The following OGA variants were observed in gnomAD, a reference collection of about 807,000 sequenced individuals.
The protein encoded by OGA is O-GlcNAcase, also known as protein O-GlcNAcase.
In OGA, 21 loss-of-function variants were observed where a neutral mutation model predicts 102.0. That is an observed-to-expected ratio of 0.21 (90% confidence interval 0.15 to 0.30). The LOEUF (loss-of-function observed/expected upper bound fraction) is 0.30. OGA is among the 10% of genes least tolerant of loss of function. The pLI is 1.00. For missense variants in OGA, 765 were observed against 1,107.8 expected (o/e 0.69, Z 4.39); for synonymous variants, 408 against 378.2 (o/e 1.08, Z -0.91).
intron 1 of OGA, among the ~76,000 whole-genome samples, chr10:101,816,962 G>A (rs757043698): frequency 1.3e-5 from 2 of 152,036 alleles, no homozygotes; most frequent in Non-Finnish European, 2.9e-5. Flanking sequence ...ACTCTGAATC[G>A]GCCAAAATAC....
intron 7 of OGA, 68 bp downstream of exon 7, chr10:101,803,667 A>G (rs1487878972): frequency 7.0e-7 from 1 of 1,424,558 alleles, no homozygotes; most frequent in Non-Finnish European, 9.7e-7. Context: ...AGGAATGCAT[A>G]CTTTCCACTG....
In OGA at chr10:101,817,813, AG is replaced by A; in HGVS notation, c.199+10del. 1 of 1,536,618 alleles carries A rather than the reference AG, an allele frequency of 6.5e-7. No individual in the cohort carries two copies. On this transcript the variant is annotated intron_variant, in intron 1 of 15. Transcript: ENST00000361464. ...TTAGTGCCAAAACGGGGAGGGAAGGAGGGCGCTCACCTTCCACCACACCGCA... is the reference window on the plus strand; with the variant it reads ...TTAGTGCCAAAACGGGGAGGGAAGGAGGCGCTCACCTTCCACCACACCGCA...
intron 10 of OGA, chr10:101,795,829 ACT>A (rs2065307967): frequency 1.2e-6 from 1 of 814,862 alleles, no homozygotes. Flanking sequence ...AAATAAAAAA[ACT>A]CACAATGTTT....
At chr10:101,806,944 G>C (rs922338162) in intron 5 of OGA, among the ~76,000 whole-genome samples, 1 of 151,832 alleles carries the variant, frequency 6.6e-6, no homozygotes, top group Non-Finnish European at 1.5e-5. Context: ...TTTATAGCCC[G>C]GTCTCTAAAT....
chr10:101,798,186 C>T (rs2065341496), intron 9 of OGA, 32 bp from the exon 10 acceptor site: 3 of 1,601,082 alleles, frequency 1.9e-6, no homozygotes, highest in Admixed American at 3.4e-5. Flanking sequence ...ACTCAAAAAA[C>T]TGTAAGCTTA....
rs1390358800 is a variant in OGA, at chr10:101,810,220, G to A, written c.444C>T (p.Pro148=). 1 of 1,612,696 alleles carries A rather than the reference G, an allele frequency of 6.2e-7. No individual in the cohort carries two copies. Reference sequence around the variant, plus strand: ...TACGTTTCAATGTGGATACTTCCTTGGGGTTAGAAAAAGTGATATCCAATC... The same window carrying A: ...TACGTTTCAATGTGGATACTTCCTTAGGGTTAGAAAAAGTGATATCCAATC... ...SPGLDITFSN[P]KEVSTLKRKL... The change falls in exon 4 of 16, where the codon CCC becomes CCT. Residue 148 remains proline, a synonymous_variant. Transcript: ENST00000361464.
chr10:101,813,554 C>T lies in OGA; in HGVS notation c.251+1G>A. 1 of 1,532,896 alleles carries T rather than the reference C, an allele frequency of 6.5e-7. No individual in the cohort carries two copies. Among genetic ancestry groups the T allele is most frequent in the Non-Finnish European group, 8.9e-7 (1 of 1,118,128 alleles). The allele number at this position is 1,532,896 out of a possible 1,614,324, so 95.0% of individuals were successfully genotyped here. On this transcript the variant is annotated splice_donor_variant, in intron 2 of 15. Coordinates refer to ENST00000361464, the MANE Select transcript of OGA (RefSeq NM_012215.5). LOFTEE classifies it high-confidence loss of function. ...CTCTCCTTCATATAATGAAGATTTA[C>T]CTTCTAAAGAGTTCTTTTCTCTGTT...
rs2065203831 is a variant in OGA, at chr10:101,787,481, C to T, written c.2497G>A (p.Glu833Lys). 1.2e-6 allele frequency: 2 copies of T among 1,613,574 alleles called. No individual in the cohort carries two copies. The highest frequency in any genetic ancestry group is 1.7e-6 in the Non-Finnish European group (2 of 1,179,636). The change falls in exon 15 of 16, where the codon GAA (glutamate) becomes AAA (lysine). Residue 833 changes from glutamate (E) to lysine (K), a missense_variant. Coordinates refer to ENST00000361464, the MANE Select transcript of OGA (RefSeq NM_012215.5). ...SFHEEQEVLPETFLANFPSLI... is the reference protein window; with the variant it reads ...SFHEEQEVLPKTFLANFPSLI... ...GAAGGGAAATTAGCAAGGAAAGTTT[C>T]TGGCAGTACTTCCTGTTCTTCATGG...
intron 7 of OGA, 58 bp from the exon 8 acceptor site, chr10:101,800,458 C>A (rs550402572): frequency 1.9e-5 from 26 of 1,381,488 alleles, no homozygotes; most frequent in Middle Eastern, 4.1e-4. Context: ...AGCCTTCTGA[C>A]AAGTGAGAAG....
chr10:101,797,771 C>T, intron 10 of OGA: 1 of 607,864 alleles, frequency 1.6e-6, no homozygotes, highest in Non-Finnish European at 2.9e-6. Flanking sequence ...GCTGAATTAG[C>T]CCAAGGGAGA....
chr10:101,787,606 G>A lies in OGA; in HGVS notation c.2455-83C>T, dbSNP rs2065206102. The A allele has an allele frequency of 5.2e-6, 6 of 1,154,230 alleles. No homozygotes were observed. In the East Asian group the frequency reaches 1.2e-4, roughly 23 times the overall value. The allele number at this position is 1,154,230 out of a possible 1,614,324, so 71.5% of individuals were successfully genotyped here. Reference sequence around the variant, plus strand: ...AACTACAGAACTTAGCAACAAGAAAGCAATATTTAATAACTCTTCCAGTCA... The same window carrying A: ...AACTACAGAACTTAGCAACAAGAAAACAATATTTAATAACTCTTCCAGTCA... On this transcript the variant is annotated intron_variant, in intron 14 of 15. Transcript: ENST00000361464.
chr10:101,792,881 G>T lies in OGA; in HGVS notation c.2133C>A (p.Thr711=). Residue 711 remains threonine, a synonymous_variant, in exon 12 of 16, where the codon ACC becomes ACA. Transcript: ENST00000361464. ...LFFQPPPLTP[T]SKVYTIRPYF... The stretch of plus-strand genomic sequence containing the variant: ...AAGGTCTGATAGTATAAACTTTGGA[G>T]GTAGGAGTCAGTGGAGGTGGCTGAA... 1 of 1,613,376 alleles carries T rather than the reference G, an allele frequency of 6.2e-7. No individual in the cohort carries two copies. Among genetic ancestry groups the T allele is most frequent in the Non-Finnish European group, 8.5e-7 (1 of 1,179,320 alleles).
rs982971853 is a variant in OGA, at chr10:101,813,816, G to C, written c.200-210C>G. 4.6e-5 allele frequency among the ~76,000 whole-genome samples: 7 copies of C among 152,098 alleles called. No individual in the cohort carries two copies. In the South Asian group the frequency reaches 1.2e-3, roughly 27 times the overall value. ...TGACTTTTATTCCATTTTTGCTTAGGTAATTTTTTTTATTTTTTCTACCAT... is the reference window on the plus strand; with the variant it reads ...TGACTTTTATTCCATTTTTGCTTAGCTAATTTTTTTTATTTTTTCTACCAT... On this transcript the variant is annotated intron_variant, in intron 1 of 15. Transcript: ENST00000361464.
chr10:101,803,940 G>A lies in OGA; in HGVS notation c.831C>T (p.Ile277=). ...AATCATTAGCATGAATGTTATCCCA[G>A]ATTACTGGAGCTCTCTTAATAATCT... ...VSKIIKRAPV[I]WDNIHANDYD... Residue 277 remains isoleucine (I), a synonymous_variant, in exon 7 of 16, where the codon ATC becomes ATT. Coordinates refer to ENST00000361464, the MANE Select transcript of OGA (RefSeq NM_012215.5). The A allele has an allele frequency of 6.2e-7, 1 of 1,613,912 alleles. No individual in the cohort carries two copies. Among genetic ancestry groups the A allele is most frequent in the South Asian group, 1.1e-5 (1 of 91,080 alleles).
chr10:101,812,409 AAAAACAAAAC>A (rs569968527), intron 3 of OGA, among the ~76,000 whole-genome samples: 2 of 152,088 alleles, frequency 1.3e-5, no homozygotes, highest in African/African-American at 2.4e-5. Flanking sequence ...CTCTGTCTCA[AAAAACAAAAC>A]AAAACAAAAC....
At chr10:101,808,003 G>A in intron 4 of OGA, 102 bp from the exon 5 acceptor site, 3 of 958,306 alleles carry the variant, frequency 3.1e-6, no homozygotes, top group Non-Finnish European at 2.9e-6. Context: ...TTCCTTACTA[G>A]AATGTTCAAA....
rs2065579526 is a variant in OGA at position 101,813,023 on chromosome 10, A to C, written c.349+7T>G. On this transcript the variant is annotated splice_region_variant and intron_variant, in intron 3 of 15. Transcript: ENST00000361464. The stretch of plus-strand genomic sequence containing the variant: ...TTTGAATTTATGGATAAAAAGAAAA[A>C]GATTACCAGCTTCCTCCACTGAATA... 1 of 1,586,548 alleles carries C rather than the reference A, an allele frequency of 6.3e-7. No homozygotes were observed. Among genetic ancestry groups the C allele is most frequent in the Non-Finnish European group, 8.6e-7 (1 of 1,159,884 alleles).
intron 1 of OGA, among the ~76,000 whole-genome samples, chr10:101,816,922 C>CGA (rs1564653029): frequency 6.6e-6 from 1 of 152,076 alleles, no homozygotes; most frequent in African/African-American, 2.4e-5. Flanking sequence ...CCATTACATA[C>CGA]GAGAGAGATA....
In OGA at chr10:101,804,033, C is replaced by T. The variant is rs1413074153; in HGVS notation, c.752-14G>A. ...CAACTTTGGGACCTAGAAATAACGA[C>T]AACCGTTCGTTAAAAGAATCATGGT... is the stretch of plus-strand genomic sequence containing the variant. On this transcript the variant is annotated splice_polypyrimidine_tract_variant and intron_variant, in intron 6 of 15. Transcript: ENST00000361464. The T allele has an allele frequency of 1.3e-6, 2 of 1,598,950 alleles. No homozygotes were observed. The highest frequency in any genetic ancestry group is 1.7e-6 in the Non-Finnish European group (2 of 1,171,622).
Sources: allele counts gnomAD v4.1 joint callset (sites outside exome capture counted in the v4.1 genomes callset), GRCh38; gene constraint gnomAD v4.1.1; transcripts MANE v1.5; gene names NCBI Gene and HGNC (gene_info 2026-07-23, HGNC 2026-07-21).